The following TENM2 variants were observed in gnomAD, a reference collection of about 807,000 sequenced individuals.
TENM2 encodes teneurin transmembrane protein 2, also known as teneurin-2.
TENM2 carries 52 observed loss-of-function variants against 245.2 expected under a neutral mutation model. The ratio of observed to expected loss-of-function variants is 0.21; its 90% confidence interval spans 0.17 to 0.27. TENM2 has a LOEUF of 0.27. Ranked by LOEUF, TENM2 falls within the 10% of genes least tolerant of loss-of-function variation. The probability of loss-of-function intolerance (pLI) is 1.00; values close to 1 mark genes in which losing one functional copy is unlikely to be tolerated. For synonymous variants in TENM2, 1,363 were observed against 1,438.9 expected, an observed-to-expected ratio of 0.95 and a Z score of 1.19; for missense variants, 3,046 against 3,666.8, an observed-to-expected ratio of 0.83 and a Z score of 4.37.
intron 2 of TENM2, among the ~76,000 whole-genome samples, chr5:167,607,319 C>G (rs529352586): frequency 1.3e-5 from 2 of 152,274 alleles, no homozygotes; most frequent in Admixed American, 1.3e-4. Flanking sequence ...CCCAGCGCTG[C>G]TCGATCATTG....
intron 2 of TENM2, among the ~76,000 whole-genome samples, chr5:167,706,222 ATATAT>A (rs778178995): frequency 4.4e-4 from 64 of 145,996 alleles, no homozygotes; most frequent in Middle Eastern, 3.6e-3. Context: ...GTATGTAAAA[ATATAT>A]TATATTATTA....
intron 5 of TENM2, among the ~76,000 whole-genome samples, chr5:167,993,611 AT>A: frequency 6.6e-6 from 1 of 152,354 alleles, no homozygotes; most frequent in South Asian, 2.1e-4. Flanking sequence ...GTCTGAGAAC[AT>A]CTTGATTCGA....
intron 2 of TENM2, among the ~76,000 whole-genome samples, chr5:167,496,763 A>G (rs1231646755): frequency 6.6e-6 from 1 of 152,086 alleles, no homozygotes; most frequent in Admixed American, 6.6e-5. Context: ...ATTATTGTAC[A>G]TGTTAACACT....
At chr5:168,241,301 G>A (rs1381187091) in intron 25 of TENM2, among the ~76,000 whole-genome samples, 1 of 151,524 alleles carries the variant, frequency 6.6e-6, no homozygotes, top group African/African-American at 2.4e-5. Context: ...TGTCCCCCAG[G>A]GTGGGGTGCA....
At chr5:167,257,284 T>A in the TENM2 span, among the ~76,000 whole-genome samples, 1 of 152,148 alleles carries the variant, frequency 6.6e-6, no homozygotes, top group Non-Finnish European at 1.5e-5. Flanking sequence ...ACTAGATACA[T>A]TTATATACTT....
At chr5:167,285,658 C>T (rs1771302078) in intron 1 of TENM2, among the ~76,000 whole-genome samples, 1 of 152,198 alleles carries the variant, frequency 6.6e-6, no homozygotes, top group Non-Finnish European at 1.5e-5. Context: ...TATCACTTCT[C>T]CAGGGTTGCT....
At chr5:167,795,661 C>T (rs527794960) in intron 2 of TENM2, among the ~76,000 whole-genome samples, 36 of 151,182 alleles carry the variant, frequency 2.4e-4, no homozygotes, top group African/African-American at 7.8e-4. Flanking sequence ...ACATTGCTCC[C>T]AAAAGTAAAA....
chr5:167,460,203 G>T (rs1001862767), intron 2 of TENM2, among the ~76,000 whole-genome samples: 3 of 152,130 alleles, frequency 2.0e-5, no homozygotes, highest in Admixed American at 1.3e-4. Context: ...TTTTCCCAAT[G>T]CAGCAGCCCA....
intron 2 of TENM2, among the ~76,000 whole-genome samples, chr5:167,816,797 A>G (rs1767091633): frequency 1.3e-5 from 2 of 152,092 alleles, no homozygotes; most frequent in Non-Finnish European, 1.5e-5. Flanking sequence ...TAAAAGTACA[A>G]ATGGCCCAGC....
intron 27 of TENM2, among the ~76,000 whole-genome samples, chr5:168,249,840 AGAGT>A (rs1766937201): frequency 6.6e-6 from 1 of 152,186 alleles, no homozygotes; most frequent in Non-Finnish European, 1.5e-5. Context: ...GCCTGCGCAC[AGAGT>A]GAGAACCCAT....
intron 5 of TENM2, among the ~76,000 whole-genome samples, chr5:168,011,615 G>A (rs1337084150): frequency 6.6e-6 from 1 of 152,080 alleles, no homozygotes; most frequent in Non-Finnish European, 1.5e-5. Context: ...CTTTGGCTCT[G>A]TGTCCCTCGT....
chr5:167,508,249 C>A (rs1301745406), intron 2 of TENM2, among the ~76,000 whole-genome samples: 1 of 152,136 alleles, frequency 6.6e-6, no homozygotes, highest in Non-Finnish European at 1.5e-5. Context: ...CCACACACCC[C>A]CTTTTTATCC....
At chr5:168,251,584 A>G (rs1195652689) in intron 27 of TENM2, among the ~76,000 whole-genome samples, 2 of 152,212 alleles carry the variant, frequency 1.3e-5, no homozygotes, top group Non-Finnish European at 2.9e-5. Flanking sequence ...AGAACACCAA[A>G]TCATTCTCTG....
intron 2 of TENM2, among the ~76,000 whole-genome samples, chr5:167,607,924 A>G (rs1167232020): frequency 1.3e-5 from 2 of 152,110 alleles, no homozygotes; most frequent in African/African-American, 4.8e-5. Flanking sequence ...TTTTTATTAT[A>G]ACAGAAAATG....
chr5:167,663,424 G>T (rs1466394002), intron 2 of TENM2, among the ~76,000 whole-genome samples: 1 of 152,042 alleles, frequency 6.6e-6, no homozygotes, highest in Non-Finnish European at 1.5e-5. Context: ...TTTAATTTTT[G>T]TTGCTATCTG....
intron 12 of TENM2, among the ~76,000 whole-genome samples, chr5:168,158,980 T>C (rs890545058): frequency 2.3e-4 from 34 of 148,704 alleles, no homozygotes; most frequent in Middle Eastern, 3.5e-3. Flanking sequence ...TATATATATA[T>C]ACACACAAAA....
At chr5:167,196,518 A>G in the TENM2 span, among the ~76,000 whole-genome samples, 6 of 140,458 alleles carry the variant, frequency 4.3e-5, no homozygotes, top group East Asian at 2.0e-4. Flanking sequence ...ATGTGTGTGT[A>G]TATATATATG....
chr5:168,238,956 G>A (rs1338913644), intron 25 of TENM2, among the ~76,000 whole-genome samples: 1 of 152,192 alleles, frequency 6.6e-6, no homozygotes, highest in Non-Finnish European at 1.5e-5. Flanking sequence ...AGCCGACTGG[G>A]AAGGGAATCG....
the TENM2 span, among the ~76,000 whole-genome samples, chr5:167,197,879 G>A: frequency 2.6e-5 from 4 of 151,752 alleles, no homozygotes; most frequent in Non-Finnish European, 5.9e-5. Flanking sequence ...TATATATAGA[G>A]AGTATATATG....
Sources: allele counts gnomAD v4.1 joint callset (sites outside exome capture counted in the v4.1 genomes callset), GRCh38; gene constraint gnomAD v4.1.1; transcripts MANE v1.5; gene names NCBI Gene and HGNC (gene_info 2026-07-23, HGNC 2026-07-21).